SNRPE: variants seen among roughly 807,000 people sequenced by gnomAD.
SNRPE encodes the protein small nuclear ribonucleoprotein polypeptide E.
For synonymous variants in SNRPE, 35 were observed against 36.7 expected (o/e 0.95, Z 0.17); for missense variants, 53 against 111.6 (o/e 0.48, Z 2.36).
chr1:203,861,877 T>C (rs1689984760), intron 1 of SNRPE, 164 bp downstream of exon 1: 1 of 671,884 alleles, frequency 1.5e-6, no homozygotes, highest in South Asian at 1.7e-5. Flanking sequence ...ACCGTGATGG[T>C]GGGGAGGTGG....
chr1:203,863,650 A>G lies in SNRPE; in HGVS notation c.82-13A>G, dbSNP rs1184874891. On this transcript the variant is annotated splice_polypyrimidine_tract_variant and intron_variant, in intron 2 of 4. Coordinates refer to ENST00000414487, the MANE Select transcript of SNRPE (RefSeq NM_003094.4). ...TTCTTTTTTTAACGTTTCCACTTTT[A>G]TGATTATTTCAGAGATCGCGGATTC... is the stretch of plus-strand genomic sequence containing the variant. The G allele has an allele frequency of 6.2e-7, 1 of 1,605,542 alleles. No individual in the cohort carries two copies. The highest frequency in any genetic ancestry group is 8.5e-7 in the Non-Finnish European group (1 of 1,172,470).
At chr1:203,868,869 C>T (rs1454982405) in intron 4 of SNRPE, among the ~76,000 whole-genome samples, 2 of 152,008 alleles carry the variant, frequency 1.3e-5, no homozygotes, top group Admixed American at 6.6e-5. Flanking sequence ...GGGGTGTCAC[C>T]GTGTTGTCCA....
intron 3 of SNRPE, 41 bp from the exon 4 acceptor site, chr1:203,864,999 AT>A (rs769342259): frequency 4.4e-6 from 7 of 1,581,444 alleles, no homozygotes; most frequent in Non-Finnish European, 6.0e-6. Context: ...AATGGTTTGA[AT>A]GTGATTTTCT....
At chr1:203,869,315 TTTTTTTTTG>T (rs1690164316) in intron 4 of SNRPE, among the ~76,000 whole-genome samples, 2 of 68,862 alleles carry the variant, frequency 2.9e-5, no homozygotes, top group African/African-American at 1.2e-4. Flanking sequence ...TTTTTTTTTT[TTTTTTTTTG>T]GAGATGAATT....
intron 2 of SNRPE, 28 bp downstream of exon 2, chr1:203,862,250 C>A: frequency 1.3e-6 from 2 of 1,540,164 alleles, no homozygotes; most frequent in Non-Finnish European, 1.8e-6. Flanking sequence ...TTCGTAACTA[C>A]TTTTTAAATA....
chr1:203,864,010 A>C (rs557718493), intron 3 of SNRPE, among the ~76,000 whole-genome samples: 1 of 152,312 alleles, frequency 6.6e-6, no homozygotes, highest in African/African-American at 2.4e-5. Context: ...GCTGGAGTGC[A>C]GTGGCACAAT....
intron 3 of SNRPE, 57 bp from the exon 4 acceptor site, chr1:203,864,975 GTATACTCAT>G (rs1352609385): frequency 6.5e-7 from 1 of 1,529,442 alleles, no homozygotes; most frequent in Non-Finnish European, 8.9e-7. Flanking sequence ...ATCTGCATAG[GTATACTCAT>G]TTAAAATGGT....
chr1:203,862,945 T>C lies in SNRPE; in HGVS notation c.82-718T>C, dbSNP rs1321431565. Reference sequence around the variant, plus strand: ...GTCAAAAACTTTCACTCTTAATAGATTGAGACCAGAAGCAGTAAGAAATAT... The same window carrying C: ...GTCAAAAACTTTCACTCTTAATAGACTGAGACCAGAAGCAGTAAGAAATAT... On this transcript the variant is annotated intron_variant, in intron 2 of 4. Transcript: ENST00000414487. Among the ~76,000 whole-genome samples the C allele has an allele frequency of 2.6e-5, 4 of 152,018 alleles. 1 individual carries two copies. Among genetic ancestry groups the C allele is most frequent in the Non-Finnish European group, 5.9e-5 (4 of 68,002 alleles).
At chr1:203,866,555 T>C (rs1394365476) in intron 4 of SNRPE, among the ~76,000 whole-genome samples, 2 of 152,212 alleles carry the variant, frequency 1.3e-5, no homozygotes, top group African/African-American at 4.8e-5. Context: ...GCAAACTCAA[T>C]TCCAACTCAC....
At chr1:203,864,196 C>T (rs1308790850) in intron 3 of SNRPE, among the ~76,000 whole-genome samples, 2 of 152,118 alleles carry the variant, frequency 1.3e-5, no homozygotes, top group Non-Finnish European at 2.9e-5. Flanking sequence ...TCAAGTGATT[C>T]TCCCACCTCA....
intron 3 of SNRPE, among the ~76,000 whole-genome samples, chr1:203,863,959 T>A (rs1269184449): frequency 6.6e-6 from 1 of 152,192 alleles, no homozygotes; most frequent in Non-Finnish European, 1.5e-5. Context: ...GAAGAAAATT[T>A]GTATTTGATT....
Position 203,870,521 on chromosome 1 carries a change from A to G in SNRPE, c.*589A>G, listed in dbSNP as rs535550741. On this transcript the variant is annotated 3_prime_UTR_variant, in exon 5 of 5. Transcript: ENST00000414487. ...GAATGAAGTGCCTTTCAAGTACATT[A>G]AAAATCAGTTAAGAGTTTACAGGAA... 2 of 152,338 alleles carry G rather than the reference A, an allele frequency of 1.3e-5. No individual in the cohort carries two copies. The highest frequency in any genetic ancestry group is 3.9e-4 in the East Asian group (2 of 5,194). 9.4% of individuals were successfully genotyped at this position (152,338 alleles called of 1,614,324 possible). A position where few individuals can be genotyped will look rare whatever the true frequency, so the allele number is the denominator to read the frequency against.
chr1:203,863,484 A>AT (rs1013696583), intron 2 of SNRPE, 179 bp from the exon 3 acceptor site: 156 of 542,642 alleles, frequency 2.9e-4, no homozygotes, highest in Middle Eastern at 4.9e-4. Context: ...CGCCCAGCTA[A>AT]TTTTTTTTGT....
intron 4 of SNRPE, among the ~76,000 whole-genome samples, chr1:203,866,520 C>T (rs1690091002): frequency 6.6e-6 from 1 of 152,168 alleles, no homozygotes. Flanking sequence ...GTTTCAAAGG[C>T]TTCTTAAAGT....
intron 4 of SNRPE, among the ~76,000 whole-genome samples, chr1:203,867,130 A>AAAAAG (rs1296991934): frequency 8.7e-5 from 13 of 149,494 alleles, no homozygotes; most frequent in Admixed American, 1.3e-4. Flanking sequence ...AAAAAAAAAA[A>AAAAAG]TTAGCTGGGC....
At chr1:203,863,192 G>C (rs1017950586) in intron 2 of SNRPE, among the ~76,000 whole-genome samples, 1 of 105,324 alleles carries the variant, frequency 9.5e-6, no homozygotes, top group East Asian at 3.4e-4. Flanking sequence ...AATTTTTTGG[G>C]GGGCGGGGGG....
At chr1:203,864,614 C>G (rs147665087) in intron 3 of SNRPE, among the ~76,000 whole-genome samples, 1 of 152,052 alleles carries the variant, frequency 6.6e-6, no homozygotes, top group Non-Finnish European at 1.5e-5. Flanking sequence ...AGGTGGCTCA[C>G]GCCTGTAATC....
At chr1:203,866,451 CTATAAA>C (rs769614392) in intron 4 of SNRPE, among the ~76,000 whole-genome samples, 3 of 152,218 alleles carry the variant, frequency 2.0e-5, no homozygotes, top group Non-Finnish European at 2.9e-5. Flanking sequence ...CAGTTACCAT[CTATAAA>C]TACTGACTCC....
At position 203,870,895 on chromosome 1, in the gene SNRPE, G is replaced by C. The variant is rs1690202201; in HGVS notation, c.*963G>C. On this transcript the variant is annotated 3_prime_UTR_variant, in exon 5 of 5. Transcript: ENST00000414487. Reference sequence around the variant, plus strand: ...GAAAGATGAATAAGGCCTGCCTTAAGTTCTGCTAAAGGCCATGTTGTTATT... The same window carrying C: ...GAAAGATGAATAAGGCCTGCCTTAACTTCTGCTAAAGGCCATGTTGTTATT... Among the ~76,000 whole-genome samples the C allele has an allele frequency of 6.6e-6, 1 of 152,230 alleles. No individual in the cohort carries two copies. Among genetic ancestry groups the C allele is most frequent in the Non-Finnish European group, 1.5e-5 (1 of 68,038 alleles).
Sources: gnomAD v4.1 joint callset for allele counts (sites outside exome capture counted in the v4.1 genomes callset) on GRCh38, gnomAD v4.1.1 for gene constraint, MANE v1.5 for transcripts, NCBI Gene and HGNC (gene_info 2026-07-23, HGNC 2026-07-21) for gene names.